Variants in BACH2 observed in about 807,000 individuals in gnomAD.
The protein encoded by BACH2 is transcription regulator protein BACH2.
BACH2 carries 5 observed loss-of-function variants against 61.8 expected under a neutral mutation model. That is an observed-to-expected ratio of 0.08 (90% CI 0.04 to 0.17). The LOEUF (loss-of-function observed/expected upper bound fraction) is 0.17. Ranked by LOEUF, BACH2 falls within the 10% of genes least tolerant of loss-of-function variation. The probability of loss-of-function intolerance (pLI) is 1.00; values close to 1 mark genes in which losing one functional copy is unlikely to be tolerated. For missense variants in BACH2, 824 were observed against 1,091.1 expected (o/e 0.76, Z 3.45); for synonymous variants, 446 against 440.1 (o/e 1.01, Z -0.17).
At chr6:90,295,639 G>A (rs2127896459) in intron 1 of BACH2, among the ~76,000 whole-genome samples, 1 of 148,626 alleles carries the variant, frequency 6.7e-6, no homozygotes, top group East Asian at 2.0e-4. Flanking sequence ...CTGGGGCTTG[G>A]AGACTGGAGT....
intron 3 of BACH2, among the ~76,000 whole-genome samples, chr6:90,243,837 G>A (rs1770539531): frequency 6.6e-6 from 1 of 152,176 alleles, no homozygotes; most frequent in Non-Finnish European, 1.5e-5. Flanking sequence ...ACCATTAGAA[G>A]GCATCTACCT....
chr6:90,205,431 G>A (rs1485245205), intron 4 of BACH2, among the ~76,000 whole-genome samples: 4 of 152,188 alleles, frequency 2.6e-5, no homozygotes, highest in Non-Finnish European at 5.9e-5. Context: ...CAACCAAGGG[G>A]TAATTCTGTC....
rs568230156 is a variant in BACH2 at position 89,937,505 on chromosome 6, T to C, written c.2043+639A>G. On this transcript the variant is annotated intron_variant, in intron 8 of 8. Transcript: ENST00000257749. ...ACAGTTTAGAAGAATACCTGGACCA[T>C]AGATGCTCATAATCAACATCAGTTA... 1.7e-3 allele frequency among the ~76,000 whole-genome samples: 260 copies of C among 152,266 alleles called. 1 individual carries two copies. Among genetic ancestry groups the C allele is most frequent in the Middle Eastern group, 3.4e-3 (1 of 294 alleles).
chr6:90,100,231 C>T (rs1782555978), intron 4 of BACH2, among the ~76,000 whole-genome samples: 1 of 152,072 alleles, frequency 6.6e-6, no homozygotes, highest in African/African-American at 2.4e-5. Flanking sequence ...AATAATGCTG[C>T]CAAGAACATT....
intron 4 of BACH2, among the ~76,000 whole-genome samples, chr6:90,102,498 G>C (rs1428681037): frequency 1.3e-5 from 2 of 152,052 alleles, no homozygotes; most frequent in East Asian, 3.9e-4. Context: ...TTCAAAAAGT[G>C]CCCTCCTGGG....
chr6:89,989,701 T>C (rs572685864), intron 6 of BACH2, among the ~76,000 whole-genome samples: 8 of 152,310 alleles, frequency 5.3e-5, no homozygotes, highest in South Asian at 2.1e-4. Context: ...CTGAAGTCCA[T>C]AGAACCTCAG....
intron 5 of BACH2, among the ~76,000 whole-genome samples, chr6:90,071,817 A>G (rs1286201136): frequency 1.3e-5 from 2 of 152,362 alleles, no homozygotes; most frequent in East Asian, 3.9e-4. Context: ...TATATGTATT[A>G]TATACCTGCA....
At chr6:90,253,726 G>A (rs536211025) in intron 2 of BACH2, among the ~76,000 whole-genome samples, 3 of 152,224 alleles carry the variant, frequency 2.0e-5, no homozygotes, top group Middle Eastern at 3.4e-3. Context: ...AATATACCTC[G>A]TGGAAGAATC....
chr6:89,976,538 G>T, intron 6 of BACH2, among the ~76,000 whole-genome samples: 1 of 152,140 alleles, frequency 6.6e-6, no homozygotes, highest in East Asian at 1.9e-4. Flanking sequence ...GGAAAAGGGG[G>T]TCTTCTCTTT....
At chr6:90,056,435 A>G (rs1278195127) in intron 5 of BACH2, among the ~76,000 whole-genome samples, 3 of 152,276 alleles carry the variant, frequency 2.0e-5, no homozygotes, top group Non-Finnish European at 2.9e-5. Flanking sequence ...TCCTAAATAT[A>G]TATGCACCCA....
chr6:90,117,732 T>C (rs1293741985), intron 4 of BACH2, among the ~76,000 whole-genome samples: 16 of 152,162 alleles, frequency 1.1e-4, no homozygotes, highest in Admixed American at 1.0e-3. Context: ...CTAGAGAGTG[T>C]ATATGTGGTT....
chr6:89,990,401 A>C (rs1057123985), intron 6 of BACH2, among the ~76,000 whole-genome samples: 3 of 152,058 alleles, frequency 2.0e-5, no homozygotes, highest in African/African-American at 7.2e-5. Context: ...TTTTTCATCC[A>C]CTAGACTCTT....
chr6:90,005,980 A>T (rs1777383354), intron 6 of BACH2, among the ~76,000 whole-genome samples: 1 of 152,210 alleles, frequency 6.6e-6, no homozygotes, highest in African/African-American at 2.4e-5. Flanking sequence ...AAGGCCAAAT[A>T]GATTTTTGTG....
At chr6:90,162,272 A>C (rs1785219301) in intron 4 of BACH2, among the ~76,000 whole-genome samples, 1 of 152,222 alleles carries the variant, frequency 6.6e-6, no homozygotes, top group Admixed American at 6.5e-5. Context: ...ATCTATCAGA[A>C]AATTTGTTCT....
rs1167200310 is a variant in BACH2, at chr6:89,950,131, G to C, written c.1836+139C>G. On this transcript the variant is annotated intron_variant, in intron 7 of 8. Transcript: ENST00000257749. The surrounding 1 kb of genome is among the most constrained non-coding windows in gnomAD (Gnocchi z 5.3). ...TCACCTTCAGCATCCTGCCTCTGTGGATGGGGAAGGCAGTCTCTCTACTGT... is the reference window on the plus strand; with the variant it reads ...TCACCTTCAGCATCCTGCCTCTGTGCATGGGGAAGGCAGTCTCTCTACTGT... The C allele has an allele frequency of 1.0e-6, 1 of 982,956 alleles. No individual in the cohort carries two copies. The highest frequency in any genetic ancestry group is 1.6e-6 in the Non-Finnish European group (1 of 628,422). 60.9% of individuals were successfully genotyped at this position (982,956 alleles called of 1,614,324 possible).
chr6:89,977,502 C>G (rs6454794), intron 6 of BACH2, among the ~76,000 whole-genome samples: 55,620 of 151,998 alleles, frequency 0.37, 10,613 homozygotes, highest in Non-Finnish European at 0.42. Context: ...GCTTTGCAAT[C>G]CATTTCTTTC....
At chr6:90,162,879 C>T (rs896973096) in intron 4 of BACH2, among the ~76,000 whole-genome samples, 2 of 152,112 alleles carry the variant, frequency 1.3e-5, no homozygotes, top group South Asian at 2.1e-4. Flanking sequence ...CACACTCTGG[C>T]GTGTGTCTCC....
intron 4 of BACH2, among the ~76,000 whole-genome samples, chr6:90,205,149 T>C (rs963991100): frequency 6.6e-6 from 1 of 152,176 alleles, no homozygotes; most frequent in Non-Finnish European, 1.5e-5. Context: ...AAGTCACCAC[T>C]GGAAGAGGGT....
At chr6:90,010,792 C>T (rs1424502965) in intron 5 of BACH2, among the ~76,000 whole-genome samples, 1 of 152,162 alleles carries the variant, frequency 6.6e-6, no homozygotes, top group East Asian at 1.9e-4. Context: ...TGTAATAGGT[C>T]TATCATATTT....
Sources: allele counts gnomAD v4.1 joint callset (sites outside exome capture counted in the v4.1 genomes callset), GRCh38; gene constraint gnomAD v4.1.1; non-coding constraint Gnocchi (gnomAD v3.1); transcripts MANE v1.5; gene names NCBI Gene and HGNC (gene_info 2026-07-23, HGNC 2026-07-21).